SYNE1: variants seen among roughly 807,000 people sequenced by gnomAD.
SYNE1 encodes spectrin repeat containing nuclear envelope protein 1.
Under a neutral mutation model 1,111.0 loss-of-function variants are expected in SYNE1, and 616 were observed. The ratio of observed to expected loss-of-function variants is 0.55; its 90% CI spans 0.52 to 0.59. SYNE1 has a LOEUF of 0.59. Among genes scored for constraint, SYNE1 ranks in the 20% least tolerant of loss-of-function variants. SYNE1 has a pLI of 0.00. For synonymous variants in SYNE1, 3,855 were observed against 3,825.8 expected (o/e 1.01, Z -0.28); for missense variants, 10,006 against 10,417.0 (o/e 0.96, Z 1.72).
intron 4 of SYNE1, among the ~76,000 whole-genome samples, chr6:152,530,466 TG>T (rs1269382212): frequency 1.7e-5 from 2 of 118,028 alleles, no homozygotes; most frequent in Non-Finnish European, 3.8e-5. Context: ...CCTAATTGTA[TG>T]GTTTTTTTTT....
At position 152,314,987 on chromosome 6, in the gene SYNE1, G is replaced by C. The variant is rs570775887; in HGVS notation, c.16710+1862C>G. Among the ~76,000 whole-genome samples, 179 of 144,300 alleles carry C rather than the reference G, an allele frequency of 1.2e-3. 1 individual carries two copies. Among genetic ancestry groups the C allele is most frequent in the Non-Finnish European group, 2.1e-3 (139 of 65,512 alleles). The allele number at this position is 144,300 out of a possible 152,430, so 94.7% of individuals were successfully genotyped here. A position where few individuals can be genotyped will look rare whatever the true frequency, so the allele number is the denominator to read the frequency against. On this transcript the variant is annotated intron_variant, in intron 87 of 145. Coordinates refer to ENST00000367255, the MANE Select transcript of SYNE1 (RefSeq NM_182961.4). ...AGCCTGGGCGATAGAGCGAAATGCT[G>C]TCTCAAAAAAGAAAAAAAAAGTCAT...
chr6:152,189,789 C>T (rs941591668), intron 127 of SYNE1, among the ~76,000 whole-genome samples: 23 of 152,170 alleles, frequency 1.5e-4, no homozygotes, highest in Non-Finnish European at 7.3e-5. Flanking sequence ...AATCTTCTTG[C>T]TGGTGGAAGG....
intron 36 of SYNE1, among the ~76,000 whole-genome samples, chr6:152,429,226 C>T (rs2098405114): frequency 1.3e-5 from 2 of 151,998 alleles, no homozygotes; most frequent in Admixed American, 6.6e-5. Context: ...TCATTACCTT[C>T]ATTTTACAGA....
At chr6:152,126,586 G>C (rs932513019) in intron 145 of SYNE1, 6 of 152,062 alleles carry the variant, frequency 3.9e-5, no homozygotes, top group East Asian at 1.9e-4. Context: ...GTTCTGTCCA[G>C]CAAAAAACGT....
At chr6:152,492,727 C>A (rs1183893453) in intron 11 of SYNE1, among the ~76,000 whole-genome samples, 2 of 152,208 alleles carry the variant, frequency 1.3e-5, no homozygotes, top group Non-Finnish European at 2.9e-5. Context: ...TGGACCATCA[C>A]AGATGCTTTA....
At position 152,511,072 on chromosome 6, in the gene SYNE1, A is replaced by G. The variant is rs2099082471; in HGVS notation, c.341T>C (p.Ile114Thr). The change falls in exon 7 of 146, where the codon ATA becomes ACA. Residue 114 changes from isoleucine to threonine, a missense_variant. Transcript: ENST00000367255. ...IKLVNINSTD[I>T]ADGRPSIVLG... ...AACTATTGAGGGTCGGCCATCAGCT[A>G]TATCGGTGGAGTTAATGTTGACTAA... is the stretch of plus-strand genomic sequence containing the variant. 1 of 1,614,034 alleles carries G rather than the reference A, an allele frequency of 6.2e-7. No homozygotes were observed. Among genetic ancestry groups the G allele is most frequent in the Non-Finnish European group, 8.5e-7 (1 of 1,179,914 alleles).
chr6:152,365,125 C>G (rs2097045909), intron 62 of SYNE1, 106 bp from the exon 63 acceptor site: 2 of 1,434,980 alleles, frequency 1.4e-6, no homozygotes, highest in Admixed American at 3.6e-5. Context: ...CAATTGTGCC[C>G]AGCCCTGGAG....
chr6:152,553,589 T>C (rs1165840679), intron 3 of SYNE1, among the ~76,000 whole-genome samples: 1 of 152,172 alleles, frequency 6.6e-6, no homozygotes, highest in Non-Finnish European at 1.5e-5. Flanking sequence ...TATCTCCAGT[T>C]CTTCAACCTT....
chr6:152,612,773 G>A (rs1727034), intron 3 of SYNE1, among the ~76,000 whole-genome samples: 96,745 of 151,988 alleles, frequency 0.64, 31,064 homozygotes, highest in Non-Finnish European at 0.69. Context: ...ACCGAATCCA[G>A]CATCCCATCA....
chr6:152,409,096 A>T lies in SYNE1; in HGVS notation c.6512T>A (p.Met2171Lys), dbSNP rs1259976577. Reference protein sequence around the residue: ...SSDFSLVKTDMESTVDKWLDV... With the variant: ...SSDFSLVKTDKESTVDKWLDV... ...CAGCCATTTGTCCACGGTGCTCTCCATGTCTGTTTTCACCAAGCTGAAATC... is the reference window on the plus strand; with the variant it reads ...CAGCCATTTGTCCACGGTGCTCTCCTTGTCTGTTTTCACCAAGCTGAAATC... Residue 2171 changes from methionine to lysine, a missense_variant, in exon 44 of 146, where the codon ATG becomes AAG. By Grantham distance (95) the Met-to-Lys change is moderately conservative. Coordinates refer to ENST00000367255, the MANE Select transcript of SYNE1 (RefSeq NM_182961.4). The T allele has an allele frequency of 3.1e-6, 5 of 1,614,196 alleles. No homozygotes were observed. The highest frequency in any genetic ancestry group is 4.2e-6 in the Non-Finnish European group (5 of 1,180,016).
chr6:152,402,797 G>A (rs1483003308), intron 46 of SYNE1: 1 of 151,452 alleles, frequency 6.6e-6, no homozygotes, highest in Admixed American at 6.6e-5. Flanking sequence ...GAGAGAGAAA[G>A]GAAGAAAGAG....
At chr6:152,634,006 A>G (rs1184011666) in intron 2 of SYNE1, among the ~76,000 whole-genome samples, 1 of 152,282 alleles carries the variant, frequency 6.6e-6, no homozygotes, top group Non-Finnish European at 1.5e-5. Flanking sequence ...TCCCTGTGAA[A>G]AAACACAGTT....
In SYNE1 at chr6:152,359,439, A is replaced by G. The variant is rs2096894512; in HGVS notation, c.10319T>C (p.Leu3440Pro). ...GGTCTCCAGCAAGCTGCTGTAACTC[A>G]GCACTTCTTCATTTAATAACTAGAG... ...GKAKLLNEEV[L>P]SYSSLLETIE... Residue 3440 changes from leucine (L) to proline (P), a missense_variant, in exon 65 of 146, where the codon CTG becomes CCG. Physicochemically the swap from Leu to Pro is moderately conservative, Grantham distance 98 (BLOSUM62 -3). Coordinates refer to ENST00000367255, the MANE Select transcript of SYNE1 (RefSeq NM_182961.4). 6.2e-7 allele frequency: 1 copy of G among 1,614,204 alleles called. No homozygotes were observed. The highest frequency in any genetic ancestry group is 8.5e-7 in the Non-Finnish European group (1 of 1,180,026).
chr6:152,373,059 T>C lies in SYNE1; in HGVS notation c.9485A>G (p.His3162Arg). The part of the protein sequence containing the change: ...EDWKNFHSNL[H>R]QKESALENLK... ...TACCTCTAGAGCAGATTCTTTTTGGTGGAGATTTGAATGAAAATTTTTCCA... is the reference window on the plus strand; with the variant it reads ...TACCTCTAGAGCAGATTCTTTTTGGCGGAGATTTGAATGAAAATTTTTCCA... The change falls in exon 59 of 146, where the codon CAC becomes CGC. Residue 3162 changes from histidine (H) to arginine (R), a missense_variant. His to Arg is a conservative substitution (Grantham distance 29). Coordinates refer to ENST00000367255, the MANE Select transcript of SYNE1 (RefSeq NM_182961.4). 1 of 1,614,156 alleles carries C rather than the reference T, an allele frequency of 6.2e-7. No homozygotes were observed. The highest frequency in any genetic ancestry group is 1.3e-5 in the African/African-American group (1 of 75,056).
At chr6:152,520,404 C>T in intron 6 of SYNE1, 55 bp downstream of exon 6, 1 of 1,575,702 alleles carries the variant, frequency 6.3e-7, no homozygotes, top group South Asian at 1.1e-5. Flanking sequence ...ATACTGAAAA[C>T]ATAAGTATGC....
intron 130 of SYNE1, among the ~76,000 whole-genome samples, chr6:152,170,863 C>T (rs753612685): frequency 1.2e-4 from 18 of 152,150 alleles, no homozygotes; most frequent in Admixed American, 2.6e-4. Context: ...AATTCCTATG[C>T]GTTGTGGAAG....
At chr6:152,444,627 G>C in intron 29 of SYNE1, 49 bp from the exon 30 acceptor site, 1 of 1,542,482 alleles carries the variant, frequency 6.5e-7, no homozygotes, top group Non-Finnish European at 8.8e-7. Context: ...GCTACTTGTT[G>C]AAGTTTGTAT....
At chr6:152,358,255 C>A in intron 66 of SYNE1, 118 bp downstream of exon 66, 1 of 1,363,852 alleles carries the variant, frequency 7.3e-7, no homozygotes, top group Non-Finnish European at 1.0e-6. Flanking sequence ...GGGGATTGCA[C>A]TTAATGTGTA....
intron 12 of SYNE1, among the ~76,000 whole-genome samples, chr6:152,485,393 C>T (rs557772164): frequency 6.6e-6 from 1 of 152,300 alleles, no homozygotes; most frequent in African/African-American, 2.4e-5. Context: ...TGCTTTACTT[C>T]AAGTACCAAA....
Sources: allele counts gnomAD v4.1 joint callset (sites outside exome capture counted in the v4.1 genomes callset), GRCh38; gene constraint gnomAD v4.1.1; transcripts MANE v1.5; gene names NCBI Gene and HGNC (gene_info 2026-07-23, HGNC 2026-07-21).